Variants in CNTNAP2 observed in about 807,000 individuals in gnomAD.
The protein encoded by CNTNAP2 is contactin-associated protein-like 2.
In CNTNAP2, 98 loss-of-function variants were observed where a neutral mutation model predicts 155.2. The observed-to-expected ratio is 0.63, with a 90% confidence interval of 0.54 to 0.75. CNTNAP2 has a LOEUF of 0.75. Among genes scored for constraint, CNTNAP2 ranks in the 30% least tolerant of loss-of-function variants. The pLI, the probability that CNTNAP2 is intolerant of heterozygous loss-of-function variation, is 0.00. For missense variants in CNTNAP2, 1,727 were observed against 1,688.1 expected, an observed-to-expected ratio of 1.02 and a Z score of -0.40; for synonymous variants, 651 against 631.2, an observed-to-expected ratio of 1.03 and a Z score of -0.47.
At chr7:148,041,669 G>A (rs540034007) in intron 15 of CNTNAP2, among the ~76,000 whole-genome samples, 1 of 152,280 alleles carries the variant, frequency 6.6e-6, no homozygotes, top group South Asian at 2.1e-4. Context: ...TTGATTATGA[G>A]AGGTCTCAGA....
chr7:147,221,790 T>C (rs149877212), intron 8 of CNTNAP2, among the ~76,000 whole-genome samples: 30 of 152,308 alleles, frequency 2.0e-4, no homozygotes, highest in African/African-American at 7.0e-4. Context: ...GTCCCCTTAA[T>C]TTTTTTCTTT....
At chr7:147,509,339 A>G (rs1023643972) in intron 11 of CNTNAP2, among the ~76,000 whole-genome samples, 1 of 152,156 alleles carries the variant, frequency 6.6e-6, no homozygotes, top group African/African-American at 2.4e-5. Context: ...AACTTCTCAT[A>G]CCAAAAAACA....
chr7:148,112,946 A>G (rs1804385988), intron 15 of CNTNAP2, among the ~76,000 whole-genome samples: 1 of 152,112 alleles, frequency 6.6e-6, no homozygotes, highest in Admixed American at 6.6e-5. Flanking sequence ...AGGGGCGGGA[A>G]GCAGGGAACT....
At chr7:146,221,225 C>T (rs192031186) in intron 1 of CNTNAP2, among the ~76,000 whole-genome samples, 34 of 152,242 alleles carry the variant, frequency 2.2e-4, no homozygotes, top group African/African-American at 7.9e-4. Context: ...TTGTGTCCTT[C>T]CCAATAATGC....
At chr7:146,519,606 A>T (rs1245125731) in intron 1 of CNTNAP2, among the ~76,000 whole-genome samples, 1 of 151,920 alleles carries the variant, frequency 6.6e-6, no homozygotes, top group Non-Finnish European at 1.5e-5. Context: ...CCCATTTTGT[A>T]GTTCATTGTT....
chr7:146,872,238 G>C (rs1480982549), intron 3 of CNTNAP2, among the ~76,000 whole-genome samples: 1 of 132,804 alleles, frequency 7.5e-6, no homozygotes, highest in East Asian at 2.2e-4. Flanking sequence ...TATGAAAACA[G>C]ATATCACAAG....
At chr7:148,409,364 G>A (rs374165572) in intron 22 of CNTNAP2, 27 bp from the exon 23 acceptor site, 9 of 1,502,794 alleles carry the variant, frequency 6.0e-6, no homozygotes, top group Non-Finnish European at 8.2e-6. Context: ...ACTTGACTCT[G>A]ACACTTGACT....
At chr7:147,042,093 A>C (rs1799269912) in intron 3 of CNTNAP2, among the ~76,000 whole-genome samples, 1 of 152,328 alleles carries the variant, frequency 6.6e-6, no homozygotes, top group East Asian at 1.9e-4. Context: ...TTTTGTCAAC[A>C]AGATGCAATG....
intron 3 of CNTNAP2, among the ~76,000 whole-genome samples, chr7:146,840,991 T>C (rs1318904425): frequency 6.6e-6 from 1 of 152,230 alleles, no homozygotes; most frequent in Non-Finnish European, 1.5e-5. Flanking sequence ...GAAAAATGCC[T>C]CTTTCTAAAA....
intron 23 of CNTNAP2, among the ~76,000 whole-genome samples, chr7:148,410,214 C>T (rs563017729): frequency 2.0e-5 from 3 of 151,994 alleles, no homozygotes; most frequent in South Asian, 4.2e-4. Flanking sequence ...TTATCCCCCT[C>T]GGATATTTTT....
At chr7:146,786,743 C>T (rs1334925088) in intron 2 of CNTNAP2, 1 of 152,146 alleles carries the variant, frequency 6.6e-6, no homozygotes, top group African/African-American at 2.4e-5. Context: ...TTTTATTTCC[C>T]TTAGCTATTA....
chr7:148,310,633 T>C (rs1444017255), intron 21 of CNTNAP2, among the ~76,000 whole-genome samples: 1 of 152,094 alleles, frequency 6.6e-6, no homozygotes, highest in African/African-American at 2.4e-5. Flanking sequence ...AAATTGAATT[T>C]TGGGGGTAAG....
chr7:147,240,075 A>G (rs1432380267), intron 8 of CNTNAP2, among the ~76,000 whole-genome samples: 1 of 152,154 alleles, frequency 6.6e-6, no homozygotes, highest in African/African-American at 2.4e-5. Context: ...TAAACTTTTT[A>G]TGCCTCATTT....
intron 13 of CNTNAP2, among the ~76,000 whole-genome samples, chr7:147,885,732 C>G (rs563877456): frequency 6.6e-6 from 1 of 152,172 alleles, no homozygotes; most frequent in East Asian, 1.9e-4. Context: ...GTCGGCCAAC[C>G]TTTACCCTTG....
chr7:146,926,935 C>T (rs544336090), intron 3 of CNTNAP2, among the ~76,000 whole-genome samples: 13 of 152,208 alleles, frequency 8.5e-5, no homozygotes, highest in South Asian at 2.1e-4. Context: ...CAAATAACTT[C>T]GATTCAGCCT....
intron 15 of CNTNAP2, among the ~76,000 whole-genome samples, chr7:148,026,959 G>T (rs1471505996): frequency 7.3e-6 from 1 of 137,026 alleles, no homozygotes; most frequent in Non-Finnish European, 1.5e-5. Context: ...ACTGTTTTTT[G>T]TTGTTGTTGT....
chr7:147,969,532 A>T (rs1801293782), intron 14 of CNTNAP2, among the ~76,000 whole-genome samples: 1 of 152,168 alleles, frequency 6.6e-6, no homozygotes, highest in African/African-American at 2.4e-5. Flanking sequence ...ACCCTGTATG[A>T]CAGTCTCATT....
At chr7:147,345,803 A>T (rs1795844531) in intron 9 of CNTNAP2, among the ~76,000 whole-genome samples, 1 of 152,198 alleles carries the variant, frequency 6.6e-6, no homozygotes, top group African/African-American at 2.4e-5. Context: ...TTACATTTAA[A>T]TTTATCACTG....
intron 15 of CNTNAP2, among the ~76,000 whole-genome samples, chr7:148,031,341 G>C (rs1802473190): frequency 6.6e-6 from 1 of 152,210 alleles, no homozygotes; most frequent in African/African-American, 2.4e-5. Context: ...CAAAGGCCTA[G>C]AGTCAGGAAG....
Sources: gnomAD v4.1 joint callset for allele counts (sites outside exome capture counted in the v4.1 genomes callset) on GRCh38, gnomAD v4.1.1 for gene constraint, MANE v1.5 for transcripts, NCBI Gene and HGNC (gene_info 2026-07-23, HGNC 2026-07-21) for gene names.